SRP68: variants seen among roughly 807,000 people sequenced by gnomAD.
SRP68 encodes signal recognition particle subunit SRP68.
A neutral mutation model predicts 82.2 loss-of-function variants in SRP68; 15 were observed. That is an observed-to-expected ratio of 0.18 (90% CI 0.12 to 0.28). The LOEUF (loss-of-function observed/expected upper bound fraction) is 0.28. Among genes scored for constraint, SRP68 ranks in the 10% least tolerant of loss-of-function variants. The probability of loss-of-function intolerance (pLI) is 1.00; values close to 1 mark genes in which losing one functional copy is unlikely to be tolerated. For synonymous variants in SRP68, 261 were observed against 292.6 expected, an observed-to-expected ratio of 0.89 and a Z score of 1.10; for missense variants, 595 against 780.5, an observed-to-expected ratio of 0.76 and a Z score of 2.83.
chr17:76,041,032 C>T, intron 13 of SRP68, 54 bp from the exon 14 acceptor site: 3 of 1,506,176 alleles, frequency 2.0e-6, no homozygotes, highest in South Asian at 1.1e-5. Flanking sequence ...CAGAGAAGCA[C>T]ACCAAGCTAA....
chr17:76,068,326 G>A (rs557220587), intron 2 of SRP68, among the ~76,000 whole-genome samples: 2 of 151,428 alleles, frequency 1.3e-5, no homozygotes, highest in African/African-American at 2.4e-5. Flanking sequence ...CATGGCGGGC[G>A]GGCGCCTATA....
chr17:76,062,565 A>G (rs1330825567), intron 4 of SRP68, among the ~76,000 whole-genome samples: 2 of 72,572 alleles, frequency 2.8e-5, no homozygotes, highest in African/African-American at 6.8e-5. Context: ...TACATTATAT[A>G]TTATATAATA....
chr17:76,051,759 T>A (rs2066674432), intron 8 of SRP68, among the ~76,000 whole-genome samples: 1 of 152,094 alleles, frequency 6.6e-6, no homozygotes, highest in African/African-American at 2.4e-5. Flanking sequence ...ATGCTATAAA[T>A]CTAGTAAAGC....
chr17:76,066,039 CG>C (rs1414814648), intron 3 of SRP68, among the ~76,000 whole-genome samples: 2 of 151,848 alleles, frequency 1.3e-5, no homozygotes, highest in Admixed American at 1.3e-4. Context: ...TAATTTGGCC[CG>C]TAACTGTGAG....
chr17:76,064,175 G>T lies in SRP68; in HGVS notation c.366-4C>A. On this transcript the variant is annotated splice_region_variant and splice_polypyrimidine_tract_variant and intron_variant, in intron 3 of 15. Transcript: ENST00000307877. ...CATCAGAACCAGAAGCAAGTATCTA[G>T]ACCAGAGACAGAAGTGGGGAGACAA... is the stretch of plus-strand genomic sequence containing the variant. The T allele has an allele frequency of 6.2e-7, 1 of 1,613,284 alleles. No individual in the cohort carries two copies. The highest frequency in any genetic ancestry group is 1.3e-5 in the African/African-American group (1 of 74,972).
intron 8 of SRP68, among the ~76,000 whole-genome samples, chr17:76,051,585 A>G (rs930004860): frequency 2.6e-5 from 4 of 152,220 alleles, no homozygotes; most frequent in Admixed American, 2.0e-4. Flanking sequence ...AGCTTTTCTT[A>G]AAAGTTCTCT....
chr17:76,063,488 G>T (rs369044939), intron 4 of SRP68, among the ~76,000 whole-genome samples: 47 of 152,170 alleles, frequency 3.1e-4, no homozygotes, highest in African/African-American at 1.1e-3. Flanking sequence ...AGGAGCTCGG[G>T]ACCAGCCTGG....
chr17:76,045,836 G>A (rs1385064808), intron 11 of SRP68, among the ~76,000 whole-genome samples: 10 of 152,090 alleles, frequency 6.6e-5, no homozygotes, highest in Admixed American at 6.6e-4. Context: ...GATGATCTGG[G>A]GTCACTATTC....
intron 10 of SRP68, 59 bp from the exon 11 acceptor site, chr17:76,046,253 A>C: frequency 1.3e-6 from 2 of 1,588,322 alleles, no homozygotes; most frequent in Non-Finnish European, 1.7e-6. Flanking sequence ...AACTGGGAGG[A>C]CTGGACTACA....
At chr17:76,060,777 G>A (rs2066747243) in intron 6 of SRP68, 1 of 341,178 alleles carries the variant, frequency 2.9e-6, no homozygotes, top group South Asian at 4.4e-5. Flanking sequence ...TGGGGAGGTG[G>A]GGTTACATGG....
At chr17:76,042,391 T>C (rs1441441069) in intron 13 of SRP68, among the ~76,000 whole-genome samples, 1 of 151,736 alleles carries the variant, frequency 6.6e-6, no homozygotes, top group Non-Finnish European at 1.5e-5. Flanking sequence ...ATCAAGAGGC[T>C]TGATCACTTG....
At chr17:76,070,850 G>A (rs868035326) in intron 1 of SRP68, among the ~76,000 whole-genome samples, 16 of 146,888 alleles carry the variant, frequency 1.1e-4, no homozygotes, top group South Asian at 8.8e-4. Flanking sequence ...ACATGCACAT[G>A]CACACACACA....
Position 76,039,290 on chromosome 17 carries a change from C to G in SRP68, c.*416G>C. On this transcript the variant is annotated 3_prime_UTR_variant, in exon 16 of 16. Transcript: ENST00000307877. ...GTTTCATAGTCATAGATAAACTTCT[C>G]AAGGGCTCCTGGATGCTCACAGCAA... is the stretch of plus-strand genomic sequence containing the variant. 2.2e-6 allele frequency: 1 copy of G among 460,748 alleles called. No individual in the cohort carries two copies. The highest frequency in any genetic ancestry group is 4.3e-6 in the Non-Finnish European group (1 of 229,944). 28.5% of individuals were successfully genotyped at this position (460,748 alleles called of 1,614,324 possible). A position where few individuals can be genotyped will look rare whatever the true frequency, so the allele number is the denominator to read the frequency against.
chr17:76,068,572 G>T (rs1426881615), intron 2 of SRP68, among the ~76,000 whole-genome samples: 2 of 152,102 alleles, frequency 1.3e-5, no homozygotes, highest in Admixed American at 1.3e-4. Flanking sequence ...TATGGAGAAA[G>T]AACTGCAGGC....
At chr17:76,040,355 C>A in intron 15 of SRP68, 64 bp downstream of exon 15, 1 of 1,474,290 alleles carries the variant, frequency 6.8e-7, no homozygotes. Flanking sequence ...CTATAATGAG[C>A]ATGCATTCCT....
intron 4 of SRP68, among the ~76,000 whole-genome samples, chr17:76,062,483 G>T (rs2066759738): frequency 9.9e-6 from 1 of 100,672 alleles, no homozygotes; most frequent in Non-Finnish European, 1.8e-5. Context: ...AAAGAATATG[G>T]AGATATATAT....
chr17:76,055,432 C>T (rs1470565071), intron 8 of SRP68, among the ~76,000 whole-genome samples: 2 of 151,998 alleles, frequency 1.3e-5, no homozygotes, highest in Non-Finnish European at 1.5e-5. Context: ...TCTCTCACTC[C>T]CTCCCACCCT....
chr17:76,060,608 G>T, intron 6 of SRP68: 1 of 493,492 alleles, frequency 2.0e-6, no homozygotes, highest in East Asian at 3.3e-5. Flanking sequence ...TACACATCAT[G>T]AAACATTTGT....
intron 3 of SRP68, among the ~76,000 whole-genome samples, chr17:76,065,148 T>C (rs2066796992): frequency 6.6e-6 from 1 of 152,046 alleles, no homozygotes; most frequent in Non-Finnish European, 1.5e-5. Flanking sequence ...TAAAGGATCT[T>C]GCTATCATAA....
Sources: allele counts gnomAD v4.1 joint callset (sites outside exome capture counted in the v4.1 genomes callset), GRCh38; gene constraint gnomAD v4.1.1; transcripts MANE v1.5; gene names NCBI Gene and HGNC (gene_info 2026-07-23, HGNC 2026-07-21).